Variants in SMLR1 observed in about 807,000 individuals in gnomAD.
SMLR1 encodes small leucine rich protein 1.
Under a neutral mutation model 6.1 loss-of-function variants are expected in SMLR1, and 3 were observed. That is an observed-to-expected ratio of 0.49 (90% CI 0.22 to 1.28). The LOEUF (loss-of-function observed/expected upper bound fraction) is 1.28. Among genes scored for constraint, SMLR1 ranks in the 50% most tolerant of loss-of-function variants. The pLI, the probability that SMLR1 is intolerant of heterozygous loss-of-function variation, is 0.19. For missense variants in SMLR1, 126 were observed against 124.8 expected, an observed-to-expected ratio of 1.01 and a Z score of -0.05; for synonymous variants, 55 against 53.6, an observed-to-expected ratio of 1.03 and a Z score of -0.11.
In SMLR1 at chr6:130,835,677, A is replaced by G. The variant is rs1219487067; in HGVS notation, c.*722A>G. 1.3e-5 allele frequency: 2 copies of G among 152,228 alleles called. No individual in the cohort carries two copies. Among genetic ancestry groups the G allele is most frequent in the African/African-American group, 4.8e-5 (2 of 41,466 alleles). 9.4% of individuals were successfully genotyped at this position (152,228 alleles called of 1,614,324 possible). ...GTTCACATAATTCCTGAGGAGGAGA[A>G]TACAAGTCTTTGCCTGTAATACCAA... On this transcript the variant is annotated 3_prime_UTR_variant, in exon 2 of 2. Coordinates refer to ENST00000541421, the MANE Select transcript of SMLR1 (RefSeq NM_001195597.2).
At chr6:130,833,411 A>G (rs916980821) in intron 1 of SMLR1, among the ~76,000 whole-genome samples, 1 of 152,156 alleles carries the variant, frequency 6.6e-6, no homozygotes, top group Non-Finnish European at 1.5e-5. Flanking sequence ...GCCATTGGTA[A>G]TAAGAGTAAA....
At chr6:130,828,648 G>C (rs1294015324) in intron 1 of SMLR1, among the ~76,000 whole-genome samples, 5 of 152,086 alleles carry the variant, frequency 3.3e-5, no homozygotes. Flanking sequence ...AGAAATCCTA[G>C]GAGACACAGA....
chr6:130,831,395 T>C (rs192043650), intron 1 of SMLR1, among the ~76,000 whole-genome samples: 8 of 152,324 alleles, frequency 5.3e-5, no homozygotes, highest in Admixed American at 2.6e-4. Flanking sequence ...CAGCCAACTA[T>C]AGACTATGGA....
At chr6:130,831,086 C>A (rs982421298) in intron 1 of SMLR1, among the ~76,000 whole-genome samples, 7 of 152,286 alleles carry the variant, frequency 4.6e-5, no homozygotes, top group Admixed American at 1.3e-4. Context: ...TGGATCTGGA[C>A]CCCTTTCCTG....
rs1774663060 is a variant in SMLR1, at chr6:130,836,425, C to T, written c.*1470C>T. The T allele has an allele frequency of 6.6e-6, 1 of 152,168 alleles. No individual in the cohort carries two copies. The highest frequency in any genetic ancestry group is 6.5e-5 in the Admixed American group (1 of 15,272). The allele number at this position is 152,168 out of a possible 1,614,324, so 9.4% of individuals were successfully genotyped here. A position where few individuals can be genotyped will look rare whatever the true frequency, so the allele number is the denominator to read the frequency against. On this transcript the variant is annotated 3_prime_UTR_variant, in exon 2 of 2. Transcript: ENST00000541421. ...TATTCCTATCTCAGGCAGCTGCCAG[C>T]CACATTTGTGGCTCAGCTATCAAGG...
rs2128384731 is a variant in SMLR1, at chr6:130,832,762, G to A, written c.239-2108G>A. Among the ~76,000 whole-genome samples, 3 of 152,262 alleles carry A rather than the reference G, an allele frequency of 2.0e-5. No homozygotes were observed. In the Middle Eastern group the frequency reaches 0.01, roughly 518 times the overall value. On this transcript the variant is annotated intron_variant, in intron 1 of 1. Coordinates refer to ENST00000541421, the MANE Select transcript of SMLR1 (RefSeq NM_001195597.2). ...CGAACCCTGGCTGGCTCCAGAGATA[G>A]CCCCTCTTCACCGACGCACCACCTC... is the stretch of plus-strand genomic sequence containing the variant.
chr6:130,831,558 A>C (rs1774448165), intron 1 of SMLR1, among the ~76,000 whole-genome samples: 1 of 152,162 alleles, frequency 6.6e-6, no homozygotes. Context: ...TCTTCTCTCC[A>C]GTTTGAGGGC....
intron 1 of SMLR1, among the ~76,000 whole-genome samples, chr6:130,832,052 G>A (rs1774469383): frequency 6.6e-6 from 1 of 152,164 alleles, no homozygotes; most frequent in African/African-American, 2.4e-5. Context: ...TGGGGTGGAA[G>A]TATGTGTCAT....
In SMLR1 at chr6:130,836,710, C is replaced by T. The variant is rs1332243580; in HGVS notation, c.*1755C>T. The T allele has an allele frequency of 6.6e-6, 1 of 152,164 alleles. No homozygotes were observed. The highest frequency in any genetic ancestry group is 1.5e-5 in the Non-Finnish European group (1 of 68,018). 9.4% of individuals were successfully genotyped at this position (152,164 alleles called of 1,614,324 possible). On this transcript the variant is annotated 3_prime_UTR_variant, in exon 2 of 2. Coordinates refer to ENST00000541421, the MANE Select transcript of SMLR1 (RefSeq NM_001195597.2). ...GAGGGGCAGAAACATGTTCATTTTC[C>T]CATGAAGGAACAAGTCCCAAGGGTT...
rs765201462 is a variant in SMLR1, at chr6:130,834,931, GT to G, written c.301del (p.Tyr101ThrfsTer4). The G allele has an allele frequency of 2.7e-3, 4,195 of 1,535,314 alleles. 15 individuals are homozygous for G. Among genetic ancestry groups the G allele is most frequent in the South Asian group, 3.2e-3 (267 of 84,026 alleles). On this transcript the variant is annotated frameshift_variant, in exon 2 of 2. Transcript: ENST00000541421. LOFTEE classifies it high-confidence loss of function. ...ATAATCCCAAGGATGGCTCTTCCCT[GT>G]ACCAGAGAATGAAATGGACGTGAAG... ...QHNPKDGSSL[Y>X]QRMKWT
intron 1 of SMLR1, among the ~76,000 whole-genome samples, chr6:130,832,789 G>A (rs1469131877): frequency 6.6e-6 from 1 of 152,120 alleles, no homozygotes; most frequent in Non-Finnish European, 1.5e-5. Flanking sequence ...CACCACCTCT[G>A]GAGTATCGAG....
intron 1 of SMLR1, among the ~76,000 whole-genome samples, chr6:130,831,759 C>T (rs371866929): frequency 2.2e-4 from 33 of 152,266 alleles, no homozygotes; most frequent in African/African-American, 7.9e-4. Context: ...CTGGCATGTT[C>T]GCAGAACCCC....
chr6:130,831,672 A>C (rs955099841), intron 1 of SMLR1, among the ~76,000 whole-genome samples: 13 of 152,306 alleles, frequency 8.5e-5, no homozygotes, highest in Admixed American at 8.5e-4. Context: ...TCATGTCGTT[A>C]ATCTTCCAAC....
intron 1 of SMLR1, among the ~76,000 whole-genome samples, chr6:130,831,266 A>C (rs934676903): frequency 1.3e-5 from 2 of 152,130 alleles, no homozygotes; most frequent in Admixed American, 1.3e-4. Flanking sequence ...TGCACTATAC[A>C]TTCCCTCCAG....
rs1240414138 is a variant in SMLR1 at position 130,827,513 on chromosome 6, G to A, written c.100G>A (p.Val34Met). Residue 34 changes from valine to methionine, a missense_variant, in exon 1 of 2, where the codon GTG (valine) becomes ATG (methionine). Val to Met is a conservative substitution (Grantham distance 21). Transcript: ENST00000541421. ...SVTPMVPVGSVWLAMSSVLSA... is the reference protein window; with the variant it reads ...SVTPMVPVGSMWLAMSSVLSA... ...GACTCCCATGGTCCCCGTGGGGTCT[G>A]TGTGGTTGGCAATGAGCTCTGTGCT... 1 of 1,536,010 alleles carries A rather than the reference G, an allele frequency of 6.5e-7. No individual in the cohort carries two copies. The highest frequency in any genetic ancestry group is 2.4e-5 in the East Asian group (1 of 40,904).
At chr6:130,830,808 C>T (rs1774418850) in intron 1 of SMLR1, among the ~76,000 whole-genome samples, 1 of 152,340 alleles carries the variant, frequency 6.6e-6, no homozygotes, top group East Asian at 1.9e-4. Context: ...GCTACACTCC[C>T]ACCAGCACGA....
At position 130,836,378 on chromosome 6, in the gene SMLR1, G is replaced by C. The variant is rs1354806738; in HGVS notation, c.*1423G>C. 1 of 152,278 alleles carries C rather than the reference G, an allele frequency of 6.6e-6. No individual in the cohort carries two copies. Among genetic ancestry groups the C allele is most frequent in the East Asian group, 1.9e-4 (1 of 5,176 alleles). 9.4% of individuals were successfully genotyped at this position (152,278 alleles called of 1,614,324 possible). A position where few individuals can be genotyped will look rare whatever the true frequency, so the allele number is the denominator to read the frequency against. The stretch of plus-strand genomic sequence containing the variant: ...TTATGTAAAAATGCTTTCTTTAACA[G>C]AAAGTGTGAAAGGACAGATCGTATT... On this transcript the variant is annotated 3_prime_UTR_variant, in exon 2 of 2. Coordinates refer to ENST00000541421, the MANE Select transcript of SMLR1 (RefSeq NM_001195597.2).
At chr6:130,834,724 T>C (rs1583400923) in intron 1 of SMLR1, 146 bp from the exon 2 acceptor site, 1 of 639,810 alleles carries the variant, frequency 1.6e-6, no homozygotes. Flanking sequence ...ATCGATCCTG[T>C]AATAGGATCT....
Position 130,827,443 on chromosome 6 carries a change from A to G in SMLR1, c.30A>G (p.Arg10=), listed in dbSNP as rs1284378123. 1 of 1,536,022 alleles carries G rather than the reference A, an allele frequency of 6.5e-7. No homozygotes were observed. The highest frequency in any genetic ancestry group is 2.4e-5 in the East Asian group (1 of 40,906). The part of the protein sequence containing the change: MLSKGRSPR[R]KQVQTQRKAA... ...TGAGCAAAGGCCGGAGCCCCAGAAG[A>G]AAACAAGTACAGACTCAGAGGAAAG... Residue 10 remains arginine, a synonymous_variant, in exon 1 of 2, where the codon AGA becomes AGG. Transcript: ENST00000541421.
Sources: allele counts gnomAD v4.1 joint callset (sites outside exome capture counted in the v4.1 genomes callset), GRCh38; gene constraint gnomAD v4.1.1; transcripts MANE v1.5; gene names NCBI Gene and HGNC (gene_info 2026-07-23, HGNC 2026-07-21).